EFCAB13: variants seen among roughly 807,000 people sequenced by gnomAD.
The protein encoded by EFCAB13 is EF-hand calcium-binding domain-containing protein 13.
Under a neutral mutation model 110.2 loss-of-function variants are expected in EFCAB13, and 91 were observed. The ratio of observed to expected loss-of-function variants is 0.83; its 90% CI spans 0.70 to 0.98. The LOEUF (loss-of-function observed/expected upper bound fraction) is 0.98. Among genes scored for constraint, EFCAB13 ranks in the 50% least tolerant of loss-of-function variants. The pLI, the probability that EFCAB13 is intolerant of heterozygous loss-of-function variation, is 0.00. For synonymous variants in EFCAB13, 323 were observed against 369.9 expected (o/e 0.87, Z 1.45); for missense variants, 968 against 1,119.4 (o/e 0.86, Z 1.93).
At chr17:47,331,931 C>A (rs895409876) in intron 4 of EFCAB13, among the ~76,000 whole-genome samples, 4 of 152,024 alleles carry the variant, frequency 2.6e-5, no homozygotes, top group African/African-American at 9.7e-5. Context: ...AAATAATATC[C>A]CATTCTCTAC....
chr17:47,395,555 T>A (rs2065732533), intron 16 of EFCAB13, among the ~76,000 whole-genome samples: 1 of 152,178 alleles, frequency 6.6e-6, no homozygotes, highest in Non-Finnish European at 1.5e-5. Flanking sequence ...TTCACACTTT[T>A]AAAAATCTAA....
intron 24 of EFCAB13, chr17:47,430,514 A>G (rs529013776): frequency 4.6e-5 from 7 of 152,308 alleles, no homozygotes; most frequent in African/African-American, 1.7e-4. Context: ...AGTAGAATTC[A>G]TAGGTGAAGC....
chr17:47,411,229 G>A (rs956188643), intron 21 of EFCAB13, among the ~76,000 whole-genome samples: 6 of 152,062 alleles, frequency 3.9e-5, no homozygotes, highest in Admixed American at 2.6e-4. Context: ...CAGACTCACC[G>A]TTTATCATTT....
At chr17:47,375,054 A>G (rs893531532) in intron 12 of EFCAB13, 88 bp downstream of exon 12, 14 of 1,343,102 alleles carry the variant, frequency 1.0e-5, no homozygotes, top group African/African-American at 3.0e-5. Context: ...AAGCATTTCA[A>G]TTGTTAACAC....
intron 13 of EFCAB13, among the ~76,000 whole-genome samples, chr17:47,378,467 C>T (rs2143374245): frequency 6.6e-6 from 1 of 152,106 alleles, no homozygotes; most frequent in Admixed American, 6.5e-5. Flanking sequence ...AACAGAAGTT[C>T]AATTGAGGAG....
rs757581156 is a variant in EFCAB13 at position 47,395,873 on chromosome 17, A to G, written c.1841A>G (p.Lys614Arg). ...ATTGAAACCCTCGACGATCTCAGAA[A>G]GGAGACGATGAGTGTTTCTGACCTG... Reference protein sequence around the residue: ...DAIETLDDLRKETMSVSDLWN... With the variant: ...DAIETLDDLRRETMSVSDLWN... The change falls in exon 17 of 25, where the codon AAG becomes AGG. Residue 614 changes from lysine (K) to arginine (R), a missense_variant. Lys to Arg is a conservative substitution (Grantham distance 26). Coordinates refer to ENST00000331493, the MANE Select transcript of EFCAB13 (RefSeq NM_152347.5). 3 of 1,610,236 alleles carry G rather than the reference A, an allele frequency of 1.9e-6. No individual in the cohort carries two copies. In the South Asian group the frequency reaches 3.3e-5, roughly 18 times the overall value.
intron 10 of EFCAB13, 43 bp downstream of exon 10, chr17:47,361,564 C>A: frequency 6.7e-7 from 1 of 1,486,296 alleles, no homozygotes; most frequent in Non-Finnish European, 9.2e-7. Flanking sequence ...TATATATGTG[C>A]ATATATTTAT....
At chr17:47,388,325 G>GT (rs2065687760) in intron 14 of EFCAB13, among the ~76,000 whole-genome samples, 1 of 152,188 alleles carries the variant, frequency 6.6e-6, no homozygotes, top group South Asian at 2.1e-4. Context: ...GTACCTGGCA[G>GT]TTTGGGGGAG....
chr17:47,397,066 A>G (rs928902749), intron 17 of EFCAB13, among the ~76,000 whole-genome samples: 1 of 115,314 alleles, frequency 8.7e-6, no homozygotes, highest in African/African-American at 3.3e-5. Context: ...TGCCGAGCCG[A>G]AGCTGGACTG....
At position 47,441,135 on chromosome 17, in the gene EFCAB13, G is replaced by A. The variant is rs973036907; in HGVS notation, c.*421G>A. ...AGTTTTGCCTTTTGTGGAATATCAT[G>A]TAAATGATTAAATATGAAGTGGTTT... On this transcript the variant is annotated 3_prime_UTR_variant, in exon 25 of 25. Coordinates refer to ENST00000331493, the MANE Select transcript of EFCAB13 (RefSeq NM_152347.5). 6.5e-6 allele frequency: 1 copy of A among 153,296 alleles called. No homozygotes were observed. Among genetic ancestry groups the A allele is most frequent in the African/African-American group, 2.4e-5 (1 of 41,440 alleles). The allele number at this position is 153,296 out of a possible 1,614,324, so 9.5% of individuals were successfully genotyped here. A position where few individuals can be genotyped will look rare whatever the true frequency, so the allele number is the denominator to read the frequency against.
At chr17:47,369,735 A>T (rs1452432358) in intron 10 of EFCAB13, 3 of 152,338 alleles carry the variant, frequency 2.0e-5, no homozygotes, top group African/African-American at 7.2e-5. Context: ...TGGCAAGCAA[A>T]ATCAAATATA....
intron 23 of EFCAB13, among the ~76,000 whole-genome samples, chr17:47,429,564 C>A (rs535192106): frequency 2.6e-5 from 4 of 152,158 alleles, no homozygotes. Flanking sequence ...AAATGCCTAT[C>A]TTGGGATTAT....
intron 3 of EFCAB13, among the ~76,000 whole-genome samples, chr17:47,327,114 G>A (rs903221170): frequency 2.6e-5 from 4 of 152,176 alleles, no homozygotes; most frequent in African/African-American, 7.2e-5. Context: ...TAATGTGAAA[G>A]TCTTGAGTTT....
intron 7 of EFCAB13, 50 bp downstream of exon 7, chr17:47,344,342 G>A (rs1315351888): frequency 1.3e-6 from 2 of 1,579,788 alleles, no homozygotes; most frequent in Non-Finnish European, 1.7e-6. Flanking sequence ...TCAGACTTGG[G>A]TGTTTCTCTC....
intron 21 of EFCAB13, 151 bp from the exon 22 acceptor site, chr17:47,412,622 C>T: frequency 2.7e-6 from 2 of 731,642 alleles, no homozygotes; most frequent in East Asian, 2.8e-5. Context: ...GGAAGTGGGC[C>T]ATCAGTTACA....
chr17:47,391,558 C>G lies in EFCAB13; in HGVS notation c.1704C>G (p.Ile568Met). The G allele has an allele frequency of 2.5e-6, 4 of 1,583,612 alleles. No individual in the cohort carries two copies. The highest frequency in any genetic ancestry group is 3.4e-6 in the Non-Finnish European group (4 of 1,168,556). Reference protein sequence around the residue: ...IYLSKPEFKKITELTEAGETK... With the variant: ...IYLSKPEFKKMTELTEAGETK... ...TTTCTAAGCCAGAATTTAAGAAGAT[C>G]ACAGAACTGACTGAAGCTGGTGGTG... The change falls in exon 15 of 25, where the codon ATC becomes ATG. Residue 568 changes from isoleucine (I) to methionine (M), a missense_variant. Coordinates refer to ENST00000331493, the MANE Select transcript of EFCAB13 (RefSeq NM_152347.5).
intron 14 of EFCAB13, among the ~76,000 whole-genome samples, chr17:47,390,916 C>T (rs1017784474): frequency 6.8e-6 from 1 of 146,508 alleles, no homozygotes; most frequent in Non-Finnish European, 1.5e-5. Context: ...GTCTGTCTGT[C>T]TATCTATCTA....
At chr17:47,379,304 G>A in intron 14 of EFCAB13, 51 bp downstream of exon 14, 1 of 1,440,578 alleles carries the variant, frequency 6.9e-7, no homozygotes, top group Non-Finnish European at 9.8e-7. Context: ...GCAGTGTGTT[G>A]AGAAGAATTA....
intron 14 of EFCAB13, among the ~76,000 whole-genome samples, chr17:47,389,564 G>T (rs896934166): frequency 6.6e-6 from 1 of 150,634 alleles, no homozygotes; most frequent in Non-Finnish European, 1.5e-5. Context: ...CAGTGACCAG[G>T]CCCCTCATTT....
Sources: gnomAD v4.1 joint callset for allele counts (sites outside exome capture counted in the v4.1 genomes callset) on GRCh38, gnomAD v4.1.1 for gene constraint, MANE v1.5 for transcripts, NCBI Gene and HGNC (gene_info 2026-07-23, HGNC 2026-07-21) for gene names.